The following AGT variants were observed in gnomAD, a reference collection of about 807,000 sequenced individuals.
AGT encodes the protein angiotensinogen.
AGT carries 26 observed loss-of-function variants against 28.1 expected under a neutral mutation model. The observed-to-expected ratio is 0.92, with a 90% CI of 0.68 to 1.28. AGT has a LOEUF of 1.28. AGT is among the 50% of genes most tolerant of loss of function. The pLI, the probability that AGT is intolerant of heterozygous loss-of-function variation, is 0.00. For missense variants in AGT, 596 were observed against 592.3 expected (o/e 1.01, Z -0.06); for synonymous variants, 259 against 259.6 (o/e 1.00, Z 0.02).
At chr1:230,704,613 TG>T (rs1289285457) in intron 3 of AGT, among the ~76,000 whole-genome samples, 1 of 152,260 alleles carries the variant, frequency 6.6e-6, no homozygotes, top group Non-Finnish European at 1.5e-5. Context: ...GTTTTTAGGT[TG>T]GCTGCATTGA....
At chr1:230,722,054 T>A (rs1663855040) in intron 1 of AGT, among the ~76,000 whole-genome samples, 1 of 152,116 alleles carries the variant, frequency 6.6e-6, no homozygotes, top group Non-Finnish European at 1.5e-5. Context: ...GGAAAAATGG[T>A]TTTGTGGGCA....
intron 1 of AGT, among the ~76,000 whole-genome samples, chr1:230,720,046 T>C (rs1012684140): frequency 2.6e-5 from 4 of 152,038 alleles, no homozygotes; most frequent in Admixed American, 6.6e-5. Flanking sequence ...ATTGGGATTG[T>C]AGGTGATTAG....
chr1:230,710,600 A>G lies in AGT; in HGVS notation c.224T>C (p.Leu75Pro), dbSNP rs61762540. ...AGCGACTAGCACCAGCTGGTCCTGT[A>G]GGGCCTTTTCATCCACAGGGGATGT... The part of the protein sequence containing the change: ...AKTSPVDEKA[L>P]QDQLVLVAAK... The change falls in exon 2 of 5, where the codon CTA becomes CCA. Residue 75 changes from leucine (L) to proline (P), a missense_variant. Leu to Pro is a moderately conservative substitution (Grantham distance 98). Transcript: ENST00000366667. The G allele has an allele frequency of 4.5e-5, 73 of 1,614,140 alleles. No individual in the cohort carries two copies. Among genetic ancestry groups the G allele is most frequent in the Non-Finnish European group, 5.8e-5 (68 of 1,180,056 alleles).
At chr1:230,716,101 G>C (rs899013448), upstream of AGT, among the ~76,000 whole-genome samples, 1 of 152,196 alleles carries the variant, frequency 6.6e-6, no homozygotes, top group African/African-American at 2.4e-5. Context: ...GCTTAAACTT[G>C]TTGCAAGATT....
intron 1 of AGT, among the ~76,000 whole-genome samples, chr1:230,737,447 G>C (rs973955328): frequency 6.6e-6 from 1 of 152,032 alleles, no homozygotes; most frequent in African/African-American, 2.4e-5. Flanking sequence ...GAGTAGCTGA[G>C]AATACAGGTG....
At chr1:230,729,939 A>G (rs1664020765) in intron 1 of AGT, among the ~76,000 whole-genome samples, 1 of 151,398 alleles carries the variant, frequency 6.6e-6, no homozygotes, top group African/African-American at 2.4e-5. Flanking sequence ...AGGCAGGTGG[A>G]TCACGAGGTC....
At chr1:230,736,613 G>A (rs1005252968) in intron 1 of AGT, among the ~76,000 whole-genome samples, 3 of 152,218 alleles carry the variant, frequency 2.0e-5, no homozygotes, top group Admixed American at 6.5e-5. Context: ...TGGGAACGGA[G>A]CAAGGAAGAA....
At chr1:230,711,638 G>T (rs1254451062) in intron 1 of AGT, among the ~76,000 whole-genome samples, 2 of 151,910 alleles carry the variant, frequency 1.3e-5, no homozygotes, top group Non-Finnish European at 2.9e-5. Flanking sequence ...CATGCAGCCG[G>T]GATTGAGCAC....
At chr1:230,738,794 A>G (rs887281964) in intron 1 of AGT, among the ~76,000 whole-genome samples, 1 of 152,240 alleles carries the variant, frequency 6.6e-6, no homozygotes, top group South Asian at 2.1e-4. Context: ...AATTAGATGT[A>G]TGTCCCATAA....
intron 1 of AGT, among the ~76,000 whole-genome samples, chr1:230,720,779 T>A (rs942688633): frequency 6.6e-6 from 1 of 151,226 alleles, no homozygotes; most frequent in Non-Finnish European, 1.5e-5. Flanking sequence ...CCATTCTGAG[T>A]CCATAAAAAG....
At chr1:230,707,853 C>T (rs1571975420) in intron 2 of AGT, among the ~76,000 whole-genome samples, 2 of 152,166 alleles carry the variant, frequency 1.3e-5, no homozygotes, top group African/African-American at 4.8e-5. Flanking sequence ...GTAAATCTGT[C>T]GAGGTCAAGT....
chr1:230,742,369 G>C (rs569886565), intron 1 of AGT, among the ~76,000 whole-genome samples: 3 of 152,176 alleles, frequency 2.0e-5, no homozygotes, highest in Non-Finnish European at 4.4e-5. Flanking sequence ...AGGCTGGAGT[G>C]CAGTAGCACC....
At position 230,725,146 on chromosome 1, in the gene AGT, AATTG is replaced by A. The variant is rs1478679968; in HGVS notation, c.-30-14297_-30-14294del. On this transcript the variant is annotated intron_variant, in intron 1 of 4. Coordinates refer to the AGT transcript ENST00000681269. ...AAATGATTTAACTACACTACATAAAAATTGATTAAGGGATTAAATTGGTTTAATG... is the reference window on the plus strand; with the variant it reads ...AAATGATTTAACTACACTACATAAAAATTAAGGGATTAAATTGGTTTAATG... Among the ~76,000 whole-genome samples, 5 of 152,226 alleles carry A rather than the reference AATTG, an allele frequency of 3.3e-5. No individual in the cohort carries two copies. In the South Asian group the frequency reaches 8.3e-4, roughly 25 times the overall value.
At chr1:230,726,105 G>A (rs957763931) in intron 1 of AGT, among the ~76,000 whole-genome samples, 5 of 152,176 alleles carry the variant, frequency 3.3e-5, no homozygotes, top group African/African-American at 1.2e-4. Flanking sequence ...TTGGCATCAC[G>A]GCAGCCAGAG....
intron 1 of AGT, among the ~76,000 whole-genome samples, chr1:230,742,129 G>T (rs1664258378): frequency 6.6e-6 from 1 of 151,992 alleles, no homozygotes; most frequent in African/African-American, 2.4e-5. Context: ...AAGGCATATA[G>T]AAAAGTCTCC....
intron 2 of AGT, among the ~76,000 whole-genome samples, chr1:230,708,054 G>A (rs3789671): frequency 3.9e-5 from 6 of 151,970 alleles, no homozygotes; most frequent in African/African-American, 9.7e-5. Context: ...TAGAGGTCCC[G>A]AGACAGCCCC....
Position 230,710,322 on chromosome 1 carries a change from C to T in AGT, c.502G>A (p.Ala168Thr), listed in dbSNP as rs1663541362. 1 of 1,614,084 alleles carries T rather than the reference C, an allele frequency of 6.2e-7. No individual in the cohort carries two copies. Among genetic ancestry groups the T allele is most frequent in the Non-Finnish European group, 8.5e-7 (1 of 1,180,024 alleles). The change falls in exon 2 of 5, where the codon GCG (alanine) becomes ACG (threonine). Residue 168 changes from alanine (A) to threonine (T), a missense_variant. By Grantham distance (58) the Ala-to-Thr change is moderately conservative (BLOSUM62 0). Transcript: ENST00000366667. ...KDKNCTSRLD[A>T]HKVLSALQAV... is the part of the protein sequence containing the mutation. The stretch of plus-strand genomic sequence containing the variant: ...TGCAGGGCAGACAGGACCTTGTGCG[C>T]ATCCAGCCGGGAGGTGCAGTTCTTG...
chr1:230,723,211 A>G (rs1232632275), intron 1 of AGT, among the ~76,000 whole-genome samples: 1 of 152,064 alleles, frequency 6.6e-6, no homozygotes, highest in Non-Finnish European at 1.5e-5. Context: ...CCCTTCCACC[A>G]TCATTGTAAG....
intron 1 of AGT, among the ~76,000 whole-genome samples, chr1:230,724,543 G>C (rs1272405915): frequency 1.3e-5 from 2 of 152,156 alleles, no homozygotes; most frequent in East Asian, 3.8e-4. Context: ...AATATTGCTG[G>C]CTAGGCACAG....
Sources: allele counts gnomAD v4.1 joint callset (sites outside exome capture counted in the v4.1 genomes callset), GRCh38; gene constraint gnomAD v4.1.1; transcripts MANE v1.5; gene names NCBI Gene and HGNC (gene_info 2026-07-23, HGNC 2026-07-21).